Variants in KCND2 observed in about 807,000 individuals in gnomAD.
KCND2 encodes A-type voltage-gated potassium channel KCND2.
KCND2 carries 16 observed loss-of-function variants against 54.4 expected under a neutral mutation model. The observed-to-expected ratio is 0.29, with a 90% CI of 0.20 to 0.45. KCND2 has a LOEUF of 0.45. Among genes scored for constraint, KCND2 ranks in the 20% least tolerant of loss-of-function variants. The pLI is 1.00. For missense variants in KCND2, 486 were observed against 824.2 expected (o/e 0.59, Z 5.02); for synonymous variants, 317 against 310.7 (o/e 1.02, Z -0.21).
At chr7:120,404,766 T>TG (rs36173771) in intron 1 of KCND2, among the ~76,000 whole-genome samples, 4,792 of 103,200 alleles carry the variant, frequency 0.046, 106 homozygotes, top group Middle Eastern at 0.074. Flanking sequence ...CACTGATTTT[T>TG]GGGGGGGGAC....
intron 1 of KCND2, among the ~76,000 whole-genome samples, chr7:120,289,089 GAGAGA>G (rs1799395830): frequency 1.3e-5 from 2 of 149,342 alleles, no homozygotes; most frequent in African/African-American, 5.0e-5. Context: ...GAGAGAGAGA[GAGAGA>G]CTAGGAGAAA....
At chr7:120,628,621 C>A (rs1467256761) in intron 1 of KCND2, among the ~76,000 whole-genome samples, 1 of 152,150 alleles carries the variant, frequency 6.6e-6, no homozygotes, top group African/African-American at 2.4e-5. Context: ...ACATATCTGT[C>A]ATAAATAAGA....
chr7:120,281,085 C>T (rs1409518186), intron 1 of KCND2, among the ~76,000 whole-genome samples: 1 of 152,010 alleles, frequency 6.6e-6, no homozygotes, highest in Non-Finnish European at 1.5e-5. Flanking sequence ...TTTTACCTGG[C>T]CTGATGGAAA....
At chr7:120,467,292 T>C (rs916041450) in intron 1 of KCND2, among the ~76,000 whole-genome samples, 2 of 152,132 alleles carry the variant, frequency 1.3e-5, no homozygotes, top group African/African-American at 4.8e-5. Context: ...GGTTGTGATA[T>C]ATGGAATAAA....
intron 1 of KCND2, among the ~76,000 whole-genome samples, chr7:120,449,705 T>G (rs1047743913): frequency 6.6e-6 from 1 of 152,222 alleles, no homozygotes; most frequent in Non-Finnish European, 1.5e-5. Flanking sequence ...AGAATTTCAG[T>G]TGAAGATCAG....
chr7:120,590,637 A>G (rs1376150299), intron 1 of KCND2, among the ~76,000 whole-genome samples: 1 of 152,166 alleles, frequency 6.6e-6, no homozygotes, highest in Non-Finnish European at 1.5e-5. Flanking sequence ...CAGAGCTTTC[A>G]TCTGATTCTC....
chr7:120,593,016 A>C (rs1487043026), intron 1 of KCND2, among the ~76,000 whole-genome samples: 1 of 152,236 alleles, frequency 6.6e-6, no homozygotes. Flanking sequence ...AATATCAAAC[A>C]TTATAAGCAA....
Position 120,474,954 on chromosome 7 carries a change from C to T in KCND2, c.1115+199207C>T, listed in dbSNP as rs1802512762. ...CTCCTGGGCTCAAGCAGTCCTCCCA[C>T]CTCACCCTCCCAAGTACGTAGAACT... On this transcript the variant is annotated intron_variant, in intron 1 of 5. Transcript: ENST00000331113. 2.0e-5 allele frequency among the ~76,000 whole-genome samples: 3 copies of T among 152,230 alleles called. No individual in the cohort carries two copies. The South Asian group carries it at 6.2e-4, about 32-fold the overall frequency.
chr7:120,275,831 G>A, intron 1 of KCND2, 84 bp downstream of exon 1: 2 of 1,424,236 alleles, frequency 1.4e-6, no homozygotes, highest in Admixed American at 1.7e-5. Context: ...GGTAACTCCG[G>A]GGAAATCATT....
chr7:120,297,479 A>T (rs1276447172), intron 1 of KCND2, among the ~76,000 whole-genome samples: 2 of 152,036 alleles, frequency 1.3e-5, no homozygotes, highest in Admixed American at 1.3e-4. Context: ...GGTTGATTTC[A>T]TATCTTTGTT....
chr7:120,400,063 G>A (rs1801225668), intron 1 of KCND2, among the ~76,000 whole-genome samples: 1 of 152,016 alleles, frequency 6.6e-6, no homozygotes, highest in South Asian at 2.1e-4. Flanking sequence ...CAGTGACATT[G>A]TGTCCATGAA....
At chr7:120,673,255 G>A (rs1792016875) in intron 1 of KCND2, among the ~76,000 whole-genome samples, 1 of 152,162 alleles carries the variant, frequency 6.6e-6, no homozygotes, top group African/African-American at 2.4e-5. Context: ...GGCAGCACTA[G>A]TAAACTAACA....
intron 2 of KCND2, among the ~76,000 whole-genome samples, chr7:120,736,442 G>A (rs28362032): frequency 0.043 from 6,459 of 151,880 alleles, 438 homozygotes; most frequent in African/African-American, 0.14. Flanking sequence ...ATTGATTCTC[G>A]TAGTTATACT....
At chr7:120,327,834 T>C (rs1266777080) in intron 1 of KCND2, among the ~76,000 whole-genome samples, 1 of 152,122 alleles carries the variant, frequency 6.6e-6, no homozygotes. Context: ...TCTTGGGATT[T>C]ATTTTTTAAC....
intron 1 of KCND2, among the ~76,000 whole-genome samples, chr7:120,704,111 T>C (rs1792436388): frequency 6.6e-6 from 1 of 152,188 alleles, no homozygotes; most frequent in African/African-American, 2.4e-5. Context: ...CACTATCCAG[T>C]CCTGTCTACT....
At chr7:120,588,280 T>A (rs1359822266) in intron 1 of KCND2, among the ~76,000 whole-genome samples, 2 of 152,136 alleles carry the variant, frequency 1.3e-5, no homozygotes, top group Non-Finnish European at 2.9e-5. Context: ...TAACTGATAT[T>A]TTGTAATCCT....
intron 1 of KCND2, among the ~76,000 whole-genome samples, chr7:120,566,452 C>T (rs995587847): frequency 6.6e-6 from 1 of 152,204 alleles, no homozygotes; most frequent in Admixed American, 6.5e-5. Flanking sequence ...AAGAGATCCT[C>T]CCACCTAAGC....
intron 1 of KCND2, among the ~76,000 whole-genome samples, chr7:120,645,013 C>CT (rs1793421075): frequency 6.6e-6 from 1 of 152,124 alleles, no homozygotes; most frequent in African/African-American, 2.4e-5. Context: ...CCATATCTGC[C>CT]TTTAATGTCT....
intron 1 of KCND2, among the ~76,000 whole-genome samples, chr7:120,489,749 T>C (rs973092963): frequency 2.6e-5 from 4 of 152,114 alleles, no homozygotes; most frequent in Non-Finnish European, 4.4e-5. Context: ...TCATGCCCCA[T>C]CCTGAAGGTA....
Sources: allele counts gnomAD v4.1 joint callset (sites outside exome capture counted in the v4.1 genomes callset), GRCh38; gene constraint gnomAD v4.1.1; transcripts MANE v1.5; gene names NCBI Gene and HGNC (gene_info 2026-07-23, HGNC 2026-07-21).